Variants in ESYT2 observed in about 807,000 individuals in gnomAD.
ESYT2 encodes the protein extended synaptotagmin 2.
ESYT2 carries 54 observed loss-of-function variants against 107.2 expected under a neutral mutation model. That is an observed-to-expected ratio of 0.50 (90% CI 0.40 to 0.63). The LOEUF (loss-of-function observed/expected upper bound fraction) is 0.63. Among genes scored for constraint, ESYT2 ranks in the 30% least tolerant of loss-of-function variants. ESYT2 has a pLI of 0.00. For missense variants in ESYT2, 1,020 were observed against 1,094.5 expected, an observed-to-expected ratio of 0.93 and a Z score of 0.96; for synonymous variants, 491 against 434.1, an observed-to-expected ratio of 1.13 and a Z score of -1.63.
intron 13 of ESYT2, among the ~76,000 whole-genome samples, chr7:158,758,691 C>T (rs1837852913): frequency 6.6e-6 from 1 of 152,118 alleles, no homozygotes; most frequent in South Asian, 2.1e-4. Context: ...ACACTGAGTG[C>T]CTAGTCAGCA....
rs147804595 is a variant in ESYT2 at position 158,743,670 on chromosome 7, G to A, written c.1653C>T (p.Asp551=). 6.8e-6 allele frequency: 11 copies of A among 1,608,304 alleles called. No individual in the cohort carries two copies. Among genetic ancestry groups the A allele is most frequent in the Non-Finnish European group, 9.3e-6 (11 of 1,178,572 alleles). The change falls in exon 17 of 23, where the codon GAC becomes GAT. Residue 551 remains aspartate (D), a synonymous_variant. Transcript: ENST00000275418. ...TCCCCAGGGAACACTGGTGCTGCTC[G>A]TCTCTGACCTGCAAAACACAGGGTG... ...KRQDLEVEVR[D]EQHQCSLGNL... is the part of the protein sequence containing the mutation.
At chr7:158,823,003 G>T (rs1840329207) in intron 1 of ESYT2, among the ~76,000 whole-genome samples, 1 of 151,626 alleles carries the variant, frequency 6.6e-6, no homozygotes, top group Admixed American at 6.6e-5. Context: ...ATTATTAAAA[G>T]AAATTCAGGC....
intron 7 of ESYT2, among the ~76,000 whole-genome samples, chr7:158,772,550 A>C (rs1028924722): frequency 3.3e-5 from 5 of 152,204 alleles, no homozygotes; most frequent in African/African-American, 4.8e-5. Flanking sequence ...TAAAACGGTA[A>C]AGCCAGCAAA....
At chr7:158,805,586 TC>T (rs1839801831) in intron 1 of ESYT2, among the ~76,000 whole-genome samples, 1 of 152,208 alleles carries the variant, frequency 6.6e-6, no homozygotes, top group Non-Finnish European at 1.5e-5. Flanking sequence ...AAGCAATTGA[TC>T]TTTTCCAAAA....
At chr7:158,806,357 A>G (rs1277957840) in intron 1 of ESYT2, among the ~76,000 whole-genome samples, 1 of 152,230 alleles carries the variant, frequency 6.6e-6, no homozygotes, top group African/African-American at 2.4e-5. Context: ...CTTGAAATCC[A>G]AGTCTTAAAT....
chr7:158,745,069 A>G (rs1404642780), intron 16 of ESYT2, among the ~76,000 whole-genome samples: 1 of 152,252 alleles, frequency 6.6e-6, no homozygotes, highest in Non-Finnish European at 1.5e-5. Flanking sequence ...TTGGGGCAAA[A>G]GTAATTGCAG....
At chr7:158,749,913 C>G (rs554892838) in intron 14 of ESYT2, among the ~76,000 whole-genome samples, 190 bp from the exon 15 acceptor site, 1 of 152,306 alleles carries the variant, frequency 6.6e-6, no homozygotes, top group South Asian at 2.1e-4. Context: ...ACAAAACTTT[C>G]ATTTGCACAC....
chr7:158,811,020 CGCA>C (rs1418525776), intron 1 of ESYT2, among the ~76,000 whole-genome samples: 2,252 of 131,354 alleles, frequency 0.017, no homozygotes, highest in East Asian at 0.15. Flanking sequence ...AGGGGTAAGG[CGCA>C]GTGGCTCAAG....
chr7:158,749,381 A>G (rs1447891972), intron 15 of ESYT2, among the ~76,000 whole-genome samples: 2 of 152,132 alleles, frequency 1.3e-5, no homozygotes, highest in African/African-American at 4.8e-5. Context: ...GGCCTCCCAA[A>G]TTGTGGGGAT....
intron 14 of ESYT2, among the ~76,000 whole-genome samples, 168 bp from the exon 15 acceptor site, chr7:158,749,891 C>T (rs1190061193): frequency 1.3e-5 from 2 of 152,156 alleles, no homozygotes; most frequent in African/African-American, 2.4e-5. Flanking sequence ...ACACACACCC[C>T]AAACCATAAC....
chr7:158,815,560 A>T (rs1840128637), intron 1 of ESYT2, among the ~76,000 whole-genome samples: 1 of 152,098 alleles, frequency 6.6e-6, no homozygotes, highest in African/African-American at 2.4e-5. Context: ...TTAAATTGGG[A>T]CACATCCCTC....
chr7:158,746,209 C>T (rs1284319655), intron 16 of ESYT2, among the ~76,000 whole-genome samples: 5 of 141,274 alleles, frequency 3.5e-5, no homozygotes, highest in Non-Finnish European at 6.0e-5. Context: ...GGTGAAACCG[C>T]ATCTTTACAT....
chr7:158,792,605 T>C (rs1459343477), intron 4 of ESYT2, among the ~76,000 whole-genome samples: 2 of 151,266 alleles, frequency 1.3e-5, no homozygotes, highest in Admixed American at 1.3e-4. Flanking sequence ...CTTTCTTCCT[T>C]TCCAGCCTGG....
chr7:158,823,943 C>A (rs959484990), intron 1 of ESYT2, among the ~76,000 whole-genome samples: 1 of 151,878 alleles, frequency 6.6e-6, no homozygotes, highest in Non-Finnish European at 1.5e-5. Flanking sequence ...AGCTCTATAC[C>A]CTCCCATCCT....
At chr7:158,806,526 G>C (rs928361582) in intron 1 of ESYT2, among the ~76,000 whole-genome samples, 1 of 152,182 alleles carries the variant, frequency 6.6e-6, no homozygotes, top group African/African-American at 2.4e-5. Flanking sequence ...TCAAAACAGG[G>C]ATGCCTCACA....
chr7:158,767,636 A>G lies in ESYT2; in HGVS notation c.924+18T>C. 1 of 1,605,106 alleles carries G rather than the reference A, an allele frequency of 6.2e-7. No individual in the cohort carries two copies. Among genetic ancestry groups the G allele is most frequent in the Non-Finnish European group, 8.5e-7 (1 of 1,175,088 alleles). On this transcript the variant is annotated intron_variant, in intron 8 of 22. Coordinates refer to ENST00000275418, the MANE Select transcript of ESYT2 (RefSeq NM_001367773.1). ...CCAAGATGTTTTTAAATGTGAATGG[A>G]TGCCGGGACACGCTTACCTTTGGTA...
chr7:158,819,729 AT>A (rs1840239710), intron 1 of ESYT2, among the ~76,000 whole-genome samples: 2 of 152,232 alleles, frequency 1.3e-5, no homozygotes, highest in South Asian at 4.1e-4. Context: ...TCAGAAAAAA[AT>A]GTTTTTGAAA....
intron 1 of ESYT2, among the ~76,000 whole-genome samples, chr7:158,801,153 G>A (rs1839632335): frequency 6.6e-6 from 1 of 152,216 alleles, no homozygotes; most frequent in African/African-American, 2.4e-5. Context: ...AGGAGCACGG[G>A]AGGAGCTGCC....
chr7:158,796,501 T>C (rs1000734269), intron 3 of ESYT2, among the ~76,000 whole-genome samples: 1 of 152,248 alleles, frequency 6.6e-6, no homozygotes, highest in Non-Finnish European at 1.5e-5. Context: ...TGTCAATTAC[T>C]GCACATTTAG....
Sources: gnomAD v4.1 joint callset for allele counts (sites outside exome capture counted in the v4.1 genomes callset) on GRCh38, gnomAD v4.1.1 for gene constraint, MANE v1.5 for transcripts, NCBI Gene and HGNC (gene_info 2026-07-23, HGNC 2026-07-21) for gene names.